DSN1: variants seen among roughly 807,000 people sequenced by gnomAD.
The protein encoded by DSN1 is kinetochore-associated protein DSN1 homolog.
DSN1 carries 31 observed loss-of-function variants against 45.7 expected under a neutral mutation model. The ratio of observed to expected loss-of-function variants is 0.68; its 90% CI spans 0.51 to 0.92. The LOEUF (loss-of-function observed/expected upper bound fraction) is 0.92. Among genes scored for constraint, DSN1 ranks in the 40% least tolerant of loss-of-function variants. DSN1 has a pLI of 0.00. For synonymous variants in DSN1, 134 were observed against 142.3 expected, an observed-to-expected ratio of 0.94 and a Z score of 0.41; for missense variants, 394 against 414.2, an observed-to-expected ratio of 0.95 and a Z score of 0.42.
intron 5 of DSN1, among the ~76,000 whole-genome samples, chr20:36,766,557 A>G (rs1167889661): frequency 6.6e-6 from 1 of 152,154 alleles, no homozygotes. Flanking sequence ...CGGGGGGCTC[A>G]GGCAGGAGAA....
Position 36,773,679 on chromosome 20 carries a change from G to C in DSN1, c.-33C>G. On this transcript the variant is annotated 5_prime_UTR_variant, in exon 1 of 11. Coordinates refer to ENST00000373750, the MANE Select transcript of DSN1 (RefSeq NM_001145315.2). Reference sequence around the variant, plus strand: ...CTCCGTACCTGAAACACAAGGCCACGGGTCGCTCTCCACAGCCCCAGGTCA... The same window carrying C: ...CTCCGTACCTGAAACACAAGGCCACCGGTCGCTCTCCACAGCCCCAGGTCA... 15 of 985,650 alleles carry C rather than the reference G, an allele frequency of 1.5e-5. No individual in the cohort carries two copies. Among genetic ancestry groups the C allele is most frequent in the Non-Finnish European group, 1.7e-5 (14 of 830,112 alleles). 61.1% of individuals were successfully genotyped at this position (985,650 alleles called of 1,614,324 possible).
chr20:36,763,398 G>T (rs2148272322), intron 5 of DSN1, among the ~76,000 whole-genome samples: 1 of 82,564 alleles, frequency 1.2e-5, no homozygotes, highest in East Asian at 4.1e-4. Flanking sequence ...ATGAGACTCT[G>T]TCTCAAAAAA....
In DSN1 at chr20:36,752,656, CAA is replaced by C. The variant is rs1231346264; in HGVS notation, c.*130_*131del. 4 of 647,686 alleles carry C rather than the reference CAA, an allele frequency of 6.2e-6. No individual in the cohort carries two copies. Among genetic ancestry groups the C allele is most frequent in the Non-Finnish European group, 1.1e-5 (4 of 375,204 alleles). The allele number at this position is 647,686 out of a possible 1,614,324, so 40.1% of individuals were successfully genotyped here. ...AATTCCATCACTTTTTGAAAAAAGT[CAA>C]AGTGTTCTACAGTCAGTCCTGCCAG... On this transcript the variant is annotated 3_prime_UTR_variant, in exon 11 of 11. Transcript: ENST00000373750.
chr20:36,758,690 G>GTTAT, intron 6 of DSN1, 73 bp from the exon 7 acceptor site: 2 of 1,389,476 alleles, frequency 1.4e-6, no homozygotes, highest in South Asian at 1.3e-5. Flanking sequence ...TTATAAATTA[G>GTTAT]TTATTTATTT....
intron 3 of DSN1, among the ~76,000 whole-genome samples, chr20:36,769,880 A>G: frequency 6.7e-6 from 1 of 148,626 alleles, no homozygotes; most frequent in Admixed American, 6.9e-5. Context: ...TAGCATCCCT[A>G]AAAACTGTTT....
At chr20:36,765,299 T>TA (rs1987257512) in intron 5 of DSN1, among the ~76,000 whole-genome samples, 2 of 145,964 alleles carry the variant, frequency 1.4e-5, no homozygotes, top group South Asian at 4.3e-4. Context: ...CTCATGCCTG[T>TA]AATCCCAGCA....
chr20:36,770,801 CCTCTT>C lies in DSN1; in HGVS notation c.355+67_355+71del. 2.7e-6 allele frequency: 4 copies of C among 1,502,228 alleles called. No homozygotes were observed. The African/African-American group carries it at 5.6e-5, about 21-fold the overall frequency. The allele number at this position is 1,502,228 out of a possible 1,614,324, so 93.1% of individuals were successfully genotyped here. On this transcript the variant is annotated intron_variant, in intron 3 of 10. Transcript: ENST00000373750. ...CCACACTTTCTGCCATACCTCACTG[CCTCTT>C]ATCTGAGCTGGAACCTGTCTCTTAT...
chr20:36,773,493 C>A, intron 1 of DSN1, 169 bp downstream of exon 1: 1 of 985,668 alleles, frequency 1.0e-6, no homozygotes, highest in South Asian at 4.7e-5. Context: ...GGGAGGAGGT[C>A]GCAGCGCCCT....
intron 5 of DSN1, among the ~76,000 whole-genome samples, chr20:36,764,199 C>T (rs1736567381): frequency 1.4e-5 from 2 of 148,048 alleles, no homozygotes; most frequent in South Asian, 4.3e-4. Context: ...CCAGCCTGGG[C>T]AACAGAGCGA....
chr20:36,762,525 T>G lies in DSN1; in HGVS notation c.526A>C (p.Lys176Gln). The change falls in exon 6 of 11, where the codon AAA becomes CAA. Residue 176 changes from lysine to glutamine, a missense_variant. Transcript: ENST00000373750. ...AKASSLSEEL[K>Q]HFADGLETDG... ...GTTTCCAGTCCGTCTGCAAAATGTT[T>G]CAATTCTTCAGAAAGAGAAGATGCT... The G allele has an allele frequency of 6.2e-7, 1 of 1,613,738 alleles. No individual in the cohort carries two copies. Among genetic ancestry groups the G allele is most frequent in the Non-Finnish European group, 8.5e-7 (1 of 1,179,848 alleles).
In DSN1 at chr20:36,752,689, T is replaced by G; in HGVS notation, c.*99A>C. On this transcript the variant is annotated 3_prime_UTR_variant, in exon 11 of 11. Coordinates refer to ENST00000373750, the MANE Select transcript of DSN1 (RefSeq NM_001145315.2). ...TCTACAGTCAGTCCTGCCAGTTATC[T>G]TCAAAGGCAACGAGCAGAAATCACG... The G allele has an allele frequency of 1.0e-6, 1 of 977,274 alleles. No individual in the cohort carries two copies. The allele number at this position is 977,274 out of a possible 1,614,324, so 60.5% of individuals were successfully genotyped here. A position where few individuals can be genotyped will look rare whatever the true frequency, so the allele number is the denominator to read the frequency against.
chr20:36,773,616 C>T, intron 1 of DSN1, 46 bp downstream of exon 1: 1 of 985,714 alleles, frequency 1.0e-6, no homozygotes, highest in Non-Finnish European at 1.2e-6. Flanking sequence ...CATCAGAGGA[C>T]AAGTCTGTGA....
chr20:36,758,037 A>G (rs1227461686), intron 8 of DSN1, 50 bp downstream of exon 8: 3 of 1,539,660 alleles, frequency 1.9e-6, no homozygotes, highest in South Asian at 1.1e-5. Flanking sequence ...ATAAACACCA[A>G]TCAAACTCCA....
chr20:36,766,854 A>G lies in DSN1; in HGVS notation c.430-13T>C. On this transcript the variant is annotated splice_polypyrimidine_tract_variant and intron_variant, in intron 4 of 10. Coordinates refer to ENST00000373750, the MANE Select transcript of DSN1 (RefSeq NM_001145315.2). ...TCTGAATAGAGAACTAAATAAAGAA[A>G]AGCATTTTTAGTACAACCACCAAAA... 6.3e-7 allele frequency: 1 copy of G among 1,581,248 alleles called. No individual in the cohort carries two copies. Among genetic ancestry groups the G allele is most frequent in the Non-Finnish European group, 8.6e-7 (1 of 1,167,722 alleles).
At chr20:36,773,338 A>T in intron 1 of DSN1, 4 of 979,622 alleles carry the variant, frequency 4.1e-6, no homozygotes, top group Non-Finnish European at 4.9e-6. Flanking sequence ...CTTGTGACAC[A>T]GCCAGCCTGG....
chr20:36,767,897 A>G, intron 4 of DSN1, 72 bp downstream of exon 4: 1 of 1,484,330 alleles, frequency 6.7e-7, no homozygotes. Flanking sequence ...GTCAGGCTCC[A>G]TCTAAAAACA....
intron 10 of DSN1, 97 bp downstream of exon 10, chr20:36,754,666 T>C: frequency 1.1e-6 from 1 of 946,690 alleles, no homozygotes; most frequent in Non-Finnish European, 1.7e-6. Context: ...ATATAGGTCT[T>C]ACCCTCTTGG....
chr20:36,764,031 C>T (rs1420305423), intron 5 of DSN1, among the ~76,000 whole-genome samples: 4 of 151,594 alleles, frequency 2.6e-5, no homozygotes, highest in Non-Finnish European at 5.9e-5. Context: ...CTGAGCAACA[C>T]AGCAAGACCC....
chr20:36,766,912 TATG>T (rs1987371161), intron 4 of DSN1, 71 bp from the exon 5 acceptor site: 1 of 1,053,898 alleles, frequency 9.5e-7, no homozygotes, highest in East Asian at 2.5e-5. Flanking sequence ...TATGTCATTT[TATG>T]ATGTTTAATA....
Sources: gnomAD v4.1 joint callset for allele counts (sites outside exome capture counted in the v4.1 genomes callset) on GRCh38, gnomAD v4.1.1 for gene constraint, MANE v1.5 for transcripts, NCBI Gene and HGNC (gene_info 2026-07-23, HGNC 2026-07-21) for gene names.